The following TP53BP1 variants were observed in gnomAD, a reference collection of about 807,000 sequenced individuals.
TP53BP1 encodes TP53-binding protein 1.
A neutral mutation model predicts 200.8 loss-of-function variants in TP53BP1; 61 were observed. The observed-to-expected ratio is 0.30, with a 90% CI of 0.25 to 0.38. The LOEUF (loss-of-function observed/expected upper bound fraction) is 0.38, where lower values mean the gene tolerates loss of function less well. TP53BP1 is among the 10% of genes least tolerant of loss of function. TP53BP1 has a pLI of 1.00. For synonymous variants in TP53BP1, 822 were observed against 844.3 expected (o/e 0.97, Z 0.46); for missense variants, 2,144 against 2,371.9 (o/e 0.90, Z 2.00).
intron 11 of TP53BP1, 134 bp downstream of exon 11, chr15:43,469,724 A>G: frequency 2.6e-6 from 2 of 777,876 alleles, no homozygotes; most frequent in Non-Finnish European, 2.0e-6. Flanking sequence ...CAGCTTCACA[A>G]CTCTGTAAAT....
chr15:43,421,735 G>C, intron 19 of TP53BP1, 120 bp downstream of exon 19: 1 of 1,379,634 alleles, frequency 7.2e-7, no homozygotes, highest in Non-Finnish European at 9.9e-7. Context: ...AAGAGGGGTA[G>C]TTGATTTATC....
chr15:43,449,986 T>C (rs773935291), intron 12 of TP53BP1, among the ~76,000 whole-genome samples: 5 of 152,372 alleles, frequency 3.3e-5, no homozygotes, highest in Middle Eastern at 3.4e-3. Context: ...GTATATTTTA[T>C]CCTTTTAAAC....
intron 19 of TP53BP1, 76 bp downstream of exon 19, chr15:43,421,779 C>T (rs1158271459): frequency 6.4e-7 from 1 of 1,551,848 alleles, no homozygotes; most frequent in Admixed American, 1.8e-5. Flanking sequence ...CCATTACTCC[C>T]CTTTTCCTGT....
intron 1 of TP53BP1, among the ~76,000 whole-genome samples, chr15:43,499,908 A>G (rs140807805): frequency 1.3e-5 from 2 of 152,328 alleles, no homozygotes; most frequent in African/African-American, 4.8e-5. Flanking sequence ...ATAGTACAAG[A>G]TACAATAAAA....
chr15:43,447,319 T>C (rs1239423560), intron 13 of TP53BP1, 47 bp downstream of exon 13: 28 of 1,570,506 alleles, frequency 1.8e-5, no homozygotes, highest in Non-Finnish European at 2.4e-5. Flanking sequence ...TAGAGAATGA[T>C]ATCTCAGAAA....
In TP53BP1 at chr15:43,492,268, A is replaced by G. The variant is rs2140158008; in HGVS notation, c.192+16T>C. 6.3e-7 allele frequency: 1 copy of G among 1,599,626 alleles called. No homozygotes were observed. Among genetic ancestry groups the G allele is most frequent in the East Asian group, 2.2e-5 (1 of 44,788 alleles). On this transcript the variant is annotated intron_variant, in intron 2 of 27. Transcript: ENST00000382044. ...AAAAAATCTGCTCAATCTTCTTCAAACAAGGTATCACTCACCAACACAGGA... is the reference window on the plus strand; with the variant it reads ...AAAAAATCTGCTCAATCTTCTTCAAGCAAGGTATCACTCACCAACACAGGA...
intron 16 of TP53BP1, among the ~76,000 whole-genome samples, chr15:43,438,021 G>A (rs1209402143): frequency 1.3e-5 from 2 of 152,216 alleles, no homozygotes; most frequent in African/African-American, 4.8e-5. Flanking sequence ...CATTCAAGAA[G>A]GTGGAAAGGG....
Position 43,480,990 on chromosome 15 carries a change from G to C in TP53BP1, c.404C>G (p.Ala135Gly). ...CTCTTCTCCCTTCTCTTCCTCCACA[G>C]CAGGAGCAGATTCCACTGACATTCC... ...VLGMSVESAPAVEEEKGEELE... is the reference protein window; with the variant it reads ...VLGMSVESAPGVEEEKGEELE... Residue 135 changes from alanine (A) to glycine (G), a missense_variant, in exon 5 of 28, where the codon GCT (alanine) becomes GGT (glycine). Transcript: ENST00000382044. The C allele has an allele frequency of 6.2e-7, 1 of 1,613,946 alleles. No individual in the cohort carries two copies. Among genetic ancestry groups the C allele is most frequent in the South Asian group, 1.1e-5 (1 of 91,086 alleles).
At position 43,416,292 on chromosome 15, in the gene TP53BP1, T is replaced by C; in HGVS notation, c.4806A>G (p.Arg1602=). 1.2e-6 allele frequency: 2 copies of C among 1,614,220 alleles called. No homozygotes were observed. Among genetic ancestry groups the C allele is most frequent in the Non-Finnish European group, 8.5e-7 (1 of 1,180,024 alleles). Residue 1602 remains arginine, a synonymous_variant, in exon 22 of 28, where the codon AGA becomes AGG. Coordinates refer to ENST00000382044, the MANE Select transcript of TP53BP1 (RefSeq NM_001141980.3). ...CATAGGGGCCAAGCCCATACTGCTCTCTCAGTCTGTTTCCTTGCTCCAAGG... is the reference window on the plus strand; with the variant it reads ...CATAGGGGCCAAGCCCATACTGCTCCCTCAGTCTGTTTCCTTGCTCCAAGG... ...ILSLEQGNRL[R]EQYGLGPYEA...
rs1375740992 is a variant in TP53BP1 at position 43,456,462 on chromosome 15, CT to C, written c.2145del (p.Glu716AsnfsTer12). 6.4e-7 allele frequency: 1 copy of C among 1,567,310 alleles called. No individual in the cohort carries two copies. Among genetic ancestry groups the C allele is most frequent in the Non-Finnish European group, 8.6e-7 (1 of 1,161,998 alleles). Reference protein sequence around the residue: ...GLCLQKEMPKKECSEAMEVET... With the variant: ...GLCLQKEMPKXECSEAMEVET... ...TCAACTTCCATAGCTTCTGAGCATTCTTTTTTTGGCATTTCCTTTTGAAGAC... is the reference window on the plus strand; with the variant it reads ...TCAACTTCCATAGCTTCTGAGCATTCTTTTTTGGCATTTCCTTTTGAAGAC... On this transcript the variant is annotated frameshift_variant, in exon 12 of 28. Transcript: ENST00000382044. LOFTEE classifies it high-confidence loss of function.
At chr15:43,416,561 TG>T in intron 21 of TP53BP1, 145 bp from the exon 22 acceptor site, 1 of 672,888 alleles carries the variant, frequency 1.5e-6, no homozygotes, top group Non-Finnish European at 2.5e-6. Flanking sequence ...AAATTCCAGT[TG>T]TCAATCCCAA....
rs1229904518 is a variant in TP53BP1, at chr15:43,456,872, T to C, written c.1736A>G (p.Asp579Gly). The C allele has an allele frequency of 1.4e-5, 23 of 1,613,958 alleles. No homozygotes were observed. The highest frequency in any genetic ancestry group is 8.8e-5 in the South Asian group (8 of 91,090). ...NDSILMNPAQDGEVQLSQNDD... is the reference protein window; with the variant it reads ...NDSILMNPAQGGEVQLSQNDD... ...ATTCTGACTCAGTTGTACTTCACCATCCTGTGCTGGATTCATCAGGATACT... is the reference window on the plus strand; with the variant it reads ...ATTCTGACTCAGTTGTACTTCACCACCCTGTGCTGGATTCATCAGGATACT... The change falls in exon 12 of 28, where the codon GAT becomes GGT. Residue 579 changes from aspartate (D) to glycine (G), a missense_variant. Asp to Gly is a moderately conservative substitution (Grantham distance 94, BLOSUM62 -1). This residue lies in a region of TP53BP1 where 1,700 missense variants were observed against 1,710.3 expected (regional missense o/e 0.99). Coordinates refer to ENST00000382044, the MANE Select transcript of TP53BP1 (RefSeq NM_001141980.3).
chr15:43,413,479 C>T, intron 23 of TP53BP1, 145 bp from the exon 24 acceptor site: 2 of 633,590 alleles, frequency 3.2e-6, no homozygotes, highest in South Asian at 2.1e-5. Flanking sequence ...AACCAAAGAC[C>T]ATTCCAATGG....
rs2046459075 is a variant in TP53BP1 at position 43,462,316 on chromosome 15, T to C, written c.1390-5098A>G. Among the ~76,000 whole-genome samples the C allele has an allele frequency of 2.0e-5, 3 of 151,036 alleles. No individual in the cohort carries two copies. The South Asian group carries it at 6.4e-4, about 32-fold the overall frequency. On this transcript the variant is annotated intron_variant, in intron 11 of 27. Transcript: ENST00000382044. The stretch of plus-strand genomic sequence containing the variant: ...ATCTTATCTTCTCTTTTTTCTTTTC[T>C]TCAAGATGGGGTCTTGCTTTGTCAC...
chr15:43,472,228 C>T (rs2046743617), intron 10 of TP53BP1, among the ~76,000 whole-genome samples: 1 of 152,194 alleles, frequency 6.6e-6, no homozygotes, highest in South Asian at 2.1e-4. Flanking sequence ...AATAACACCT[C>T]CTTCTTAGGA....
chr15:43,466,475 T>C (rs1032749155), intron 11 of TP53BP1, among the ~76,000 whole-genome samples: 2 of 152,246 alleles, frequency 1.3e-5, no homozygotes, highest in African/African-American at 4.8e-5. Flanking sequence ...CTGCTGTGAA[T>C]TGTTTACATA....
chr15:43,460,317 G>A (rs2046399755), intron 11 of TP53BP1, among the ~76,000 whole-genome samples: 1 of 152,172 alleles, frequency 6.6e-6, no homozygotes, highest in Non-Finnish European at 1.5e-5. Flanking sequence ...CTGGAGTGCA[G>A]TGGCTTAATC....
chr15:43,504,620 A>G (rs2079226620), intron 1 of TP53BP1, among the ~76,000 whole-genome samples: 1 of 152,228 alleles, frequency 6.6e-6, no homozygotes. Context: ...TCCTTAGATG[A>G]GTTAAGGAAA....
intron 11 of TP53BP1, among the ~76,000 whole-genome samples, chr15:43,458,230 G>A (rs1408856157): frequency 7.3e-5 from 11 of 149,908 alleles, no homozygotes; most frequent in Admixed American, 5.3e-4. Flanking sequence ...TCAGAAGTTC[G>A]AGACCAACCT....
Sources: gnomAD v4.1 joint callset for allele counts (sites outside exome capture counted in the v4.1 genomes callset) on GRCh38, gnomAD v4.1.1 for gene constraint, gnomAD v4.1.1 regional missense constraint, MANE v1.5 for transcripts, NCBI Gene and HGNC (gene_info 2026-07-23, HGNC 2026-07-21) for gene names.